SGTB: variants seen among roughly 807,000 people sequenced by gnomAD.
SGTB encodes the protein small glutamine rich tetratricopeptide repeat co-chaperone beta, also known as small glutamine-rich tetratricopeptide repeat-containing protein beta.
Under a neutral mutation model 43.9 loss-of-function variants are expected in SGTB, and 19 were observed. That is an observed-to-expected ratio of 0.43 (90% CI 0.30 to 0.63). The LOEUF (loss-of-function observed/expected upper bound fraction) is 0.63. Ranked by LOEUF, SGTB falls within the 30% of genes least tolerant of loss-of-function variation. SGTB has a pLI of 0.12. For missense variants in SGTB, 304 were observed against 358.9 expected, an observed-to-expected ratio of 0.85 and a Z score of 1.24; for synonymous variants, 116 against 117.3, an observed-to-expected ratio of 0.99 and a Z score of 0.07.
At chr5:65,717,686 A>T (rs1242673007) in intron 2 of SGTB, among the ~76,000 whole-genome samples, 2 of 152,126 alleles carry the variant, frequency 1.3e-5, no homozygotes, top group East Asian at 3.9e-4. Flanking sequence ...GATATGAGAA[A>T]GTGTTAAAAT....
intron 5 of SGTB, among the ~76,000 whole-genome samples, chr5:65,701,493 C>T (rs1031546465): frequency 5.9e-5 from 9 of 151,964 alleles, no homozygotes; most frequent in African/African-American, 2.2e-4. Context: ...AATTGGACTA[C>T]ATAAATTTTT....
At chr5:65,722,458 G>A (rs771752622), upstream of SGTB, 3 of 1,540,582 alleles carry the variant, frequency 1.9e-6, no homozygotes, top group Non-Finnish European at 2.6e-6. Context: ...GGCAGGGCGG[G>A]GTCTTTCGCC....
At chr5:65,706,066 T>C (rs1561164286) in intron 4 of SGTB, among the ~76,000 whole-genome samples, 2 of 152,156 alleles carry the variant, frequency 1.3e-5, no homozygotes, top group Admixed American at 1.3e-4. Flanking sequence ...TAATTGATTA[T>C]GGTAATGGCT....
At chr5:65,721,463 A>G (rs1435645108) in intron 1 of SGTB, among the ~76,000 whole-genome samples, 1 of 152,234 alleles carries the variant, frequency 6.6e-6, no homozygotes, top group East Asian at 1.9e-4. Context: ...ACAAGCTGGA[A>G]GCTCCCGGTC....
At chr5:65,696,770 T>A (rs550898755) in intron 5 of SGTB, among the ~76,000 whole-genome samples, 2 of 152,330 alleles carry the variant, frequency 1.3e-5, no homozygotes, top group South Asian at 4.1e-4. Context: ...CTACATGGTA[T>A]GTTTACAAGG....
At chr5:65,688,021 G>C (rs1415083390) in intron 5 of SGTB, among the ~76,000 whole-genome samples, 1 of 151,962 alleles carries the variant, frequency 6.6e-6, no homozygotes, top group African/African-American at 2.4e-5. Context: ...CGCCCACCTC[G>C]GCCTCCCCAA....
intron 2 of SGTB, among the ~76,000 whole-genome samples, chr5:65,718,418 C>T (rs1758191765): frequency 6.6e-6 from 1 of 152,110 alleles, no homozygotes; most frequent in Admixed American, 6.5e-5. Context: ...AACTGAGAGC[C>T]AGGGAACTAA....
In SGTB at chr5:65,680,667, C is replaced by A; in HGVS notation, c.607G>T (p.Val203Leu). ...CATTAACAACTTACAGGACTGGATACCTCTCTTAACTTCTGTTCTGCTATT... is the reference window on the plus strand; with the variant it reads ...CATTAACAACTTACAGGACTGGATAACTCTCTTAACTTCTGTTCTGCTATT... ...LKIAEQKLRE[V>L]SSPTGTGLSF... Residue 203 changes from valine to leucine, a missense_variant, in exon 7 of 11, where the codon GTA (valine) becomes TTA (leucine). By Grantham distance (32) the Val-to-Leu change is conservative. Coordinates refer to ENST00000381007, the MANE Select transcript of SGTB (RefSeq NM_019072.3). 6.2e-7 allele frequency: 1 copy of A among 1,613,986 alleles called. No homozygotes were observed. Among genetic ancestry groups the A allele is most frequent in the South Asian group, 1.1e-5 (1 of 91,070 alleles).
In SGTB at chr5:65,671,209, C is replaced by T. The variant is rs1341740849; in HGVS notation, c.803+706G>A. ...AGTTTGAAGTCTGCTGAAAAACTTC[C>T]TGGATCTTCATTGGGAAAAAATGGG... On this transcript the variant is annotated intron_variant, in intron 10 of 10. Transcript: ENST00000381007. Among the ~76,000 whole-genome samples the T allele has an allele frequency of 4.6e-5, 7 of 152,104 alleles. No homozygotes were observed. The East Asian group carries it at 1.3e-3, about 29-fold the overall frequency.
chr5:65,722,396 C>A (rs778967557), upstream of SGTB: 1 of 1,590,474 alleles, frequency 6.3e-7, no homozygotes, highest in South Asian at 1.1e-5. Flanking sequence ...TGCCTTTTGG[C>A]TGTGCGAAGC....
intron 8 of SGTB, among the ~76,000 whole-genome samples, chr5:65,676,821 A>T (rs149333): frequency 0.64 from 96,528 of 151,836 alleles, 31,014 homozygotes; most frequent in African/African-American, 0.68. Context: ...CTAAAATTTC[A>T]TTCTTGTTAA....
At chr5:65,699,705 G>A (rs62367747) in intron 5 of SGTB, among the ~76,000 whole-genome samples, 29 of 152,252 alleles carry the variant, frequency 1.9e-4, no homozygotes, top group African/African-American at 6.0e-4. Flanking sequence ...TGATCCATCC[G>A]CCTCAGCCTT....
intron 8 of SGTB, among the ~76,000 whole-genome samples, chr5:65,674,722 A>C (rs1757231904): frequency 6.6e-6 from 1 of 152,180 alleles, no homozygotes; most frequent in African/African-American, 2.4e-5. Context: ...TTTGGTACAT[A>C]GCAGCTTGGA....
In SGTB at chr5:65,668,742, G is replaced by GA. The variant is rs34419961; in HGVS notation, c.*1503dup. 0.56 allele frequency: 73,829 copies of GA among 132,938 alleles called. 19,916 individuals carry two copies. Among genetic ancestry groups the GA allele is most frequent in the South Asian group, 0.62 (2,530 of 4,094 alleles). The allele number at this position is 132,938 out of a possible 1,614,324, so 8.2% of individuals were successfully genotyped here. On this transcript the variant is annotated 3_prime_UTR_variant, in exon 11 of 11. Transcript: ENST00000381007. ...GCGACAGAGAGAGACTCCATCTCAA[G>GA]AAAAAAAAAAAAAAAATTAGCTGGG... is the stretch of plus-strand genomic sequence containing the variant.
intron 4 of SGTB, among the ~76,000 whole-genome samples, 176 bp from the exon 5 acceptor site, chr5:65,704,554 A>C (rs1757893576): frequency 6.6e-6 from 1 of 152,220 alleles, no homozygotes; most frequent in South Asian, 2.1e-4. Flanking sequence ...TTTAGCTTTC[A>C]GTGTGTTTGA....
At chr5:65,694,895 A>G (rs561098511) in intron 5 of SGTB, among the ~76,000 whole-genome samples, 1 of 152,318 alleles carries the variant, frequency 6.6e-6, no homozygotes, top group East Asian at 1.9e-4. Context: ...GTGCATAGGT[A>G]GTAGAGAGAA....
intron 2 of SGTB, 85 bp from the exon 3 acceptor site, chr5:65,713,149 T>A: frequency 1.1e-6 from 1 of 928,826 alleles, no homozygotes; most frequent in Non-Finnish European, 1.7e-6. Context: ...CTGCAATGTA[T>A]GGAAATTCAG....
chr5:65,704,427 A>G, intron 4 of SGTB, 49 bp from the exon 5 acceptor site: 1 of 1,356,478 alleles, frequency 7.4e-7, no homozygotes, highest in Non-Finnish European at 1.0e-6. Context: ...TACATTAAAA[A>G]CATACACTCT....
chr5:65,721,025 A>C (rs539965837), intron 1 of SGTB, among the ~76,000 whole-genome samples, 196 bp from the exon 2 acceptor site: 1 of 152,312 alleles, frequency 6.6e-6, no homozygotes, highest in East Asian at 1.9e-4. Context: ...TTTATTACAT[A>C]TTTTCATTAA....
Sources: gnomAD v4.1 joint callset for allele counts (sites outside exome capture counted in the v4.1 genomes callset) on GRCh38, gnomAD v4.1.1 for gene constraint, MANE v1.5 for transcripts, NCBI Gene and HGNC (gene_info 2026-07-23, HGNC 2026-07-21) for gene names.